Variants in GNB1L observed in about 807,000 individuals in gnomAD.
The protein encoded by GNB1L is G protein subunit beta 1 like.
A neutral mutation model predicts 29.1 loss-of-function variants in GNB1L; 20 were observed. The ratio of observed to expected loss-of-function variants is 0.69; its 90% CI spans 0.48 to 1.00. The LOEUF is 1.00. Among genes scored for constraint, GNB1L ranks in the 50% least tolerant of loss-of-function variants. The probability of loss-of-function intolerance (pLI) is 0.00; values close to 1 mark genes in which losing one functional copy is unlikely to be tolerated. For synonymous variants in GNB1L, 193 were observed against 206.5 expected (o/e 0.93, Z 0.56); for missense variants, 421 against 464.9 (o/e 0.91, Z 0.87).
intron 2 of GNB1L, chr22:19,851,259 C>CT: frequency 6.2e-7 from 1 of 1,609,570 alleles, no homozygotes; most frequent in Non-Finnish European, 8.5e-7. Context: ...TGGTCTCCCT[C>CT]TGTCTCCAAA....
intron 5 of GNB1L, among the ~76,000 whole-genome samples, chr22:19,810,970 G>T (rs955542533): frequency 1.3e-5 from 2 of 152,214 alleles, no homozygotes; most frequent in Non-Finnish European, 2.9e-5. Context: ...TGGCGGCCTG[G>T]GGGTGGCCGA....
chr22:19,794,498 G>A (rs1601319357), intron 7 of GNB1L, among the ~76,000 whole-genome samples: 1 of 152,074 alleles, frequency 6.6e-6, no homozygotes, highest in African/African-American at 2.4e-5. Flanking sequence ...GCCAAGAGAG[G>A]AAACAAAACC....
chr22:19,845,437 G>C (rs1037676871), intron 2 of GNB1L, among the ~76,000 whole-genome samples: 6 of 152,234 alleles, frequency 3.9e-5, no homozygotes, highest in African/African-American at 1.4e-4. Context: ...CAGAGGTGAG[G>C]TGGGCAGCGC....
At chr22:19,849,679 A>G (rs533965159) in intron 2 of GNB1L, 9 of 985,334 alleles carry the variant, frequency 9.1e-6, no homozygotes, top group Middle Eastern at 5.2e-4. Flanking sequence ...TTTCTGAATA[A>G]GTTTAATCAG....
intron 7 of GNB1L, among the ~76,000 whole-genome samples, chr22:19,797,228 G>A (rs1361036466): frequency 6.6e-6 from 1 of 152,012 alleles, no homozygotes; most frequent in Non-Finnish European, 1.5e-5. Flanking sequence ...AGCTCCCTGA[G>A]CCTGGGGCTC....
chr22:19,846,589 G>T, intron 2 of GNB1L: 1 of 982,252 alleles, frequency 1.0e-6, no homozygotes, highest in Non-Finnish European at 1.2e-6. Flanking sequence ...GCAGAACTAT[G>T]TCCCTTCAAT....
chr22:19,791,849 A>T lies in GNB1L; in HGVS notation c.733-2889T>A, dbSNP rs913591971. 2.0e-5 allele frequency among the ~76,000 whole-genome samples: 3 copies of T among 152,314 alleles called. No homozygotes were observed. The East Asian group carries it at 5.8e-4, about 29-fold the overall frequency. ...TATCTTAGAGTATGGCCTACCCTAG[A>T]TCTACCAGAACAAAACTAGAAACCA... is the stretch of plus-strand genomic sequence containing the variant. On this transcript the variant is annotated intron_variant, in intron 7 of 7. Coordinates refer to ENST00000329517, the MANE Select transcript of GNB1L (RefSeq NM_053004.3).
At chr22:19,836,535 A>C (rs1005728594) in intron 2 of GNB1L, among the ~76,000 whole-genome samples, 9 of 152,252 alleles carry the variant, frequency 5.9e-5, no homozygotes, top group African/African-American at 2.2e-4. Flanking sequence ...TAATTTGATG[A>C]GGCTAGCACT....
chr22:19,852,084 T>C (rs1263517940), intron 2 of GNB1L: 1 of 1,614,078 alleles, frequency 6.2e-7, no homozygotes, highest in East Asian at 2.2e-5. Flanking sequence ...TCCATGGTCG[T>C]TCGCACACAC....
chr22:19,796,747 G>A (rs981528128), intron 7 of GNB1L, among the ~76,000 whole-genome samples: 2 of 152,178 alleles, frequency 1.3e-5, no homozygotes, highest in African/African-American at 4.8e-5. Flanking sequence ...CTGGAAACAG[G>A]CTCCATGTGG....
intron 4 of GNB1L, among the ~76,000 whole-genome samples, chr22:19,813,189 G>A (rs1937513274): frequency 6.6e-6 from 1 of 152,132 alleles, no homozygotes; most frequent in Admixed American, 6.5e-5. Context: ...ACAGGTCAGC[G>A]GGCACCCAGG....
intron 6 of GNB1L, among the ~76,000 whole-genome samples, chr22:19,805,009 C>T (rs1422157977): frequency 1.3e-5 from 2 of 152,210 alleles, no homozygotes; most frequent in Non-Finnish European, 1.5e-5. Flanking sequence ...CCATGTCAAG[C>T]CCTTGGAGGA....
chr22:19,788,735 G>A lies in GNB1L; in HGVS notation c.958C>T (p.Leu320Phe), dbSNP rs1012718511. 1.2e-6 allele frequency: 2 copies of A among 1,611,378 alleles called. No homozygotes were observed. Among genetic ancestry groups the A allele is most frequent in the East Asian group, 4.5e-5 (2 of 44,808 alleles). The change falls in exon 8 of 8, where the codon CTC (leucine) becomes TTC (phenylalanine). Residue 320 changes from leucine (L) to phenylalanine (F), a missense_variant. By Grantham distance (22) the Leu-to-Phe change is conservative (BLOSUM62 0). Coordinates refer to ENST00000329517, the MANE Select transcript of GNB1L (RefSeq NM_053004.3). Reference sequence around the variant, plus strand: ...CATGCGCGTGGGTAGAGTGACCAGAGGCTGATCCGCTGATCCTTGGAGCCC... The same window carrying A: ...CATGCGCGTGGGTAGAGTGACCAGAAGCTGATCCGCTGATCCTTGGAGCCC... The part of the protein sequence containing the change: ...AAGSKDQRIS[L>F]WSLYPRA
Position 19,821,357 on chromosome 22 carries a change from C to A in GNB1L, c.-2G>T. Reference sequence around the variant, plus strand: ...TGGCGGCGGGCAGGGGGCCGTCATGCTGGGCAGGATGCAGTTACCTGGGCA... The same window carrying A: ...TGGCGGCGGGCAGGGGGCCGTCATGATGGGCAGGATGCAGTTACCTGGGCA... On this transcript the variant is annotated 5_prime_UTR_variant, in exon 3 of 8. Coordinates refer to ENST00000329517, the MANE Select transcript of GNB1L (RefSeq NM_053004.3). 6.2e-7 allele frequency: 1 copy of A among 1,611,868 alleles called. No individual in the cohort carries two copies. The highest frequency in any genetic ancestry group is 8.5e-7 in the Non-Finnish European group (1 of 1,179,684).
At chr22:19,821,973 CCTT>C (rs1259462115) in intron 2 of GNB1L, among the ~76,000 whole-genome samples, 2 of 152,164 alleles carry the variant, frequency 1.3e-5, no homozygotes, top group African/African-American at 2.4e-5. Flanking sequence ...ATCCAGTCTC[CCTT>C]CTTCTCTCCT....
chr22:19,817,892 G>A (rs986468010), intron 4 of GNB1L, among the ~76,000 whole-genome samples: 1 of 152,166 alleles, frequency 6.6e-6, no homozygotes, highest in African/African-American at 2.4e-5. Flanking sequence ...CAAGAAAAAA[G>A]ATTAAAAAAC....
rs1937175606 is a variant in GNB1L at position 19,784,640 on chromosome 22, C to G, written c.*4069G>C. 2 of 152,154 alleles carry G rather than the reference C, an allele frequency of 1.3e-5. No individual in the cohort carries two copies. Among genetic ancestry groups the G allele is most frequent in the African/African-American group, 4.8e-5 (2 of 41,404 alleles). 9.4% of individuals were successfully genotyped at this position (152,154 alleles called of 1,614,324 possible). A position where few individuals can be genotyped will look rare whatever the true frequency, so the allele number is the denominator to read the frequency against. Reference sequence around the variant, plus strand: ...AAGTGGGGCTGCACAGAGGTCAGCACATGGTGGCGCCCACCGTCGAGAGGG... The same window carrying G: ...AAGTGGGGCTGCACAGAGGTCAGCAGATGGTGGCGCCCACCGTCGAGAGGG... On this transcript the variant is annotated 3_prime_UTR_variant, in exon 8 of 8. Transcript: ENST00000329517.
chr22:19,851,050 T>C (rs1938081863), intron 2 of GNB1L: 1 of 1,451,866 alleles, frequency 6.9e-7, no homozygotes, highest in African/African-American at 1.4e-5. Context: ...CTTGCCCAGC[T>C]ATGGGGTCTG....
chr22:19,833,552 A>AAAT (rs1251152404), intron 2 of GNB1L, among the ~76,000 whole-genome samples: 13 of 152,082 alleles, frequency 8.5e-5, no homozygotes, highest in African/African-American at 3.1e-4. Flanking sequence ...GCAACAGAGC[A>AAAT]AGACCCTGTC....
Sources: allele counts gnomAD v4.1 joint callset (sites outside exome capture counted in the v4.1 genomes callset), GRCh38; gene constraint gnomAD v4.1.1; transcripts MANE v1.5; gene names NCBI Gene and HGNC (gene_info 2026-07-23, HGNC 2026-07-21).